ANK2: variants seen among roughly 807,000 people sequenced by gnomAD.
ANK2 encodes the protein ankyrin-2.
Under a neutral mutation model 360.5 loss-of-function variants are expected in ANK2, and 83 were observed. The ratio of observed to expected loss-of-function variants is 0.23; its 90% CI spans 0.19 to 0.28. The LOEUF is 0.28. Among genes scored for constraint, ANK2 ranks in the 10% least tolerant of loss-of-function variants. The pLI, the probability that ANK2 is intolerant of heterozygous loss-of-function variation, is 1.00. For missense variants in ANK2, 4,201 were observed against 4,795.7 expected, an observed-to-expected ratio of 0.88 and a Z score of 3.66; for synonymous variants, 1,740 against 1,759.5, an observed-to-expected ratio of 0.99 and a Z score of 0.28.
At chr4:113,326,828 C>T (rs955252322) in intron 26 of ANK2, among the ~76,000 whole-genome samples, 2 of 151,992 alleles carry the variant, frequency 1.3e-5, no homozygotes, top group African/African-American at 4.8e-5. Flanking sequence ...ATAGGGAGAC[C>T]CCATCTCTGA....
At chr4:113,207,895 C>A (rs1314506689) in intron 4 of ANK2, among the ~76,000 whole-genome samples, 3 of 152,042 alleles carry the variant, frequency 2.0e-5, no homozygotes, top group Non-Finnish European at 1.5e-5. Context: ...AACTGAACTT[C>A]TTTTATAAAA....
intron 1 of ANK2, among the ~76,000 whole-genome samples, chr4:113,161,698 G>A (rs2097540619): frequency 2.0e-5 from 1 of 49,000 alleles, no homozygotes; most frequent in Non-Finnish European, 4.6e-5. Context: ...TTAGTCTCGT[G>A]TGTGTGTGTG....
intron 2 of ANK2, among the ~76,000 whole-genome samples, chr4:113,025,210 C>G (rs1373145287): frequency 6.6e-6 from 1 of 152,174 alleles, no homozygotes; most frequent in Non-Finnish European, 1.5e-5. Context: ...ATAGACACCA[C>G]TCTAAACATG....
At chr4:112,976,026 C>T (rs1370128432) in intron 2 of ANK2, among the ~76,000 whole-genome samples, 2 of 152,062 alleles carry the variant, frequency 1.3e-5, no homozygotes, top group African/African-American at 2.4e-5. Flanking sequence ...TGAATATGCT[C>T]ACACATGCTC....
intron 26 of ANK2, chr4:113,323,627 T>G: frequency 1.2e-6 from 1 of 806,614 alleles, no homozygotes; most frequent in Non-Finnish European, 1.8e-6. Flanking sequence ...TCGACCTATA[T>G]CTCATTTGGA....
intron 40 of ANK2, among the ~76,000 whole-genome samples, 176 bp from the exon 41 acceptor site, chr4:113,364,863 C>A (rs552546769): frequency 3.4e-4 from 51 of 152,212 alleles, no homozygotes; most frequent in African/African-American, 1.1e-3. Context: ...CCATGCTGTA[C>A]CACTTTTTTT....
At chr4:112,906,790 TGA>T (rs147898965) in intron 2 of ANK2, among the ~76,000 whole-genome samples, 14 of 150,740 alleles carry the variant, frequency 9.3e-5, no homozygotes, top group Admixed American at 3.3e-4. Flanking sequence ...TTGTGGAGAA[TGA>T]GAGAGAGAGA....
At chr4:113,321,121 G>T (rs1282725105) in intron 26 of ANK2, among the ~76,000 whole-genome samples, 1 of 152,174 alleles carries the variant, frequency 6.6e-6, no homozygotes, top group Non-Finnish European at 1.5e-5. Context: ...GTGACATCAG[G>T]CACAGTTATA....
chr4:113,067,633 A>G (rs2076101333), intron 1 of ANK2, among the ~76,000 whole-genome samples: 1 of 152,208 alleles, frequency 6.6e-6, no homozygotes, highest in Non-Finnish European at 1.5e-5. Context: ...AATGACATCT[A>G]CAGTTACAGC....
the ANK2 span, among the ~76,000 whole-genome samples, chr4:112,714,384 T>C: frequency 8.7e-4 from 132 of 152,194 alleles, no homozygotes; most frequent in African/African-American, 3.1e-3. Context: ...GGTTTTGTCA[T>C]GTTGGCCAGG....
intron 2 of ANK2, among the ~76,000 whole-genome samples, chr4:112,987,277 G>T (rs542483549): frequency 6.6e-6 from 1 of 152,314 alleles, no homozygotes; most frequent in African/African-American, 2.4e-5. Flanking sequence ...GGGACAGAGG[G>T]ATGGTGGTAA....
chr4:112,753,105 C>G, the ANK2 span, among the ~76,000 whole-genome samples: 1 of 152,210 alleles, frequency 6.6e-6, no homozygotes, highest in African/African-American at 2.4e-5. Flanking sequence ...TTATTTTCCT[C>G]GAGCCTCAGG....
intron 1 of ANK2, among the ~76,000 whole-genome samples, chr4:112,888,633 T>C (rs1051615457): frequency 6.6e-6 from 1 of 152,142 alleles, no homozygotes; most frequent in Non-Finnish European, 1.5e-5. Context: ...ACTCTCCCCC[T>C]GTCTACCCCA....
intron 1 of ANK2, among the ~76,000 whole-genome samples, chr4:113,169,664 G>A (rs970046921): frequency 1.3e-5 from 2 of 152,128 alleles, no homozygotes; most frequent in Admixed American, 6.6e-5. Flanking sequence ...CACCGTTTTA[G>A]ACAAGTGGTT....
chr4:113,173,403 A>G (rs2098067415), intron 1 of ANK2, among the ~76,000 whole-genome samples: 1 of 152,196 alleles, frequency 6.6e-6, no homozygotes, highest in African/African-American at 2.4e-5. Flanking sequence ...TTTGATTAAG[A>G]GTCATCAAAC....
chr4:113,199,693 G>A (rs2098802068), intron 4 of ANK2, among the ~76,000 whole-genome samples: 1 of 151,812 alleles, frequency 6.6e-6, no homozygotes, highest in South Asian at 2.1e-4. Context: ...ATGTTGTTTT[G>A]CCCAAAGCTT....
At chr4:113,074,989 A>G (rs1167335972) in intron 1 of ANK2, among the ~76,000 whole-genome samples, 1 of 152,214 alleles carries the variant, frequency 6.6e-6, no homozygotes, top group African/African-American at 2.4e-5. Flanking sequence ...GTATCTTGCT[A>G]TTTGATTGTG....
At chr4:113,016,049 G>A (rs559644178) in intron 2 of ANK2, among the ~76,000 whole-genome samples, 21 of 151,638 alleles carry the variant, frequency 1.4e-4, no homozygotes, top group Admixed American at 5.9e-4. Context: ...TCTTGGGATA[G>A]GGTCTTACTC....
intron 1 of ANK2, 132 bp downstream of exon 1, chr4:113,049,944 T>C (rs1262052538): frequency 8.3e-7 from 1 of 1,207,016 alleles, no homozygotes; most frequent in East Asian, 2.7e-5. Context: ...GTGCCAAGCC[T>C]TGCTTTTTAA....
Sources: gnomAD v4.1 joint callset for allele counts (sites outside exome capture counted in the v4.1 genomes callset) on GRCh38, gnomAD v4.1.1 for gene constraint, MANE v1.5 for transcripts, NCBI Gene and HGNC (gene_info 2026-07-23, HGNC 2026-07-21) for gene names.